Variants in FAM174B observed in about 807,000 individuals in gnomAD.
FAM174B encodes the protein membrane protein FAM174B.
FAM174B carries 12 observed loss-of-function variants against 10.9 expected under a neutral mutation model. The observed-to-expected ratio is 1.10, with a 90% confidence interval of 0.71 to 1.79. The LOEUF is 1.79. Among genes scored for constraint, FAM174B ranks in the 40% most tolerant of loss-of-function variants. The probability of loss-of-function intolerance (pLI) is 0.00; values close to 1 mark genes in which losing one functional copy is unlikely to be tolerated. For synonymous variants in FAM174B, 132 were observed against 115.8 expected, an observed-to-expected ratio of 1.14 and a Z score of -0.90; for missense variants, 266 against 233.3, an observed-to-expected ratio of 1.14 and a Z score of -0.91.
chr15:92,644,861 G>A (rs980693950), intron 1 of FAM174B, among the ~76,000 whole-genome samples: 2 of 152,218 alleles, frequency 1.3e-5, no homozygotes, highest in African/African-American at 2.4e-5. Context: ...CGGAACAGAG[G>A]TCTTGCACTT....
intron 1 of FAM174B, among the ~76,000 whole-genome samples, chr15:92,647,540 C>T (rs994458342): frequency 6.6e-6 from 1 of 152,124 alleles, no homozygotes; most frequent in African/African-American, 2.4e-5. Context: ...GGAGGTCAGA[C>T]ACGCCACATT....
At chr15:92,631,229 A>ATT (rs372180141) in intron 1 of FAM174B, among the ~76,000 whole-genome samples, 650 of 2,678 alleles carry the variant, frequency 0.24, 259 homozygotes, top group East Asian at 0.56. Context: ...TATTATATAT[A>ATT]ATATATTATA....
chr15:92,650,039 C>A (rs1364216905), intron 1 of FAM174B, among the ~76,000 whole-genome samples: 1 of 152,060 alleles, frequency 6.6e-6, no homozygotes, highest in African/African-American at 2.4e-5. Context: ...TGGCTCCACC[C>A]AAAACTCCAA....
chr15:92,644,214 C>T (rs970231224), intron 1 of FAM174B, among the ~76,000 whole-genome samples: 2 of 152,098 alleles, frequency 1.3e-5, no homozygotes, highest in Non-Finnish European at 2.9e-5. Context: ...AACAGGCTAG[C>T]CAGGGTCTCA....
intron 1 of FAM174B, among the ~76,000 whole-genome samples, chr15:92,642,429 G>A (rs2050897699): frequency 6.6e-6 from 1 of 152,194 alleles, no homozygotes; most frequent in Non-Finnish European, 1.5e-5. Flanking sequence ...GATATGGTTT[G>A]GCTGTGTCCC....
chr15:92,630,370 G>A (rs773898671), intron 1 of FAM174B, 25 bp from the exon 2 acceptor site: 7 of 1,593,984 alleles, frequency 4.4e-6, no homozygotes, highest in Non-Finnish European at 8.6e-7. Flanking sequence ...GCACATTCAT[G>A]AGAACACAGC....
At chr15:92,647,691 C>T (rs285771) in intron 1 of FAM174B, among the ~76,000 whole-genome samples, 149,175 of 152,310 alleles carry the variant, frequency 0.98, 73,127 homozygotes, top group East Asian at 1. Flanking sequence ...ACATGACAGA[C>T]AGCAGGCCCT....
At chr15:92,628,175 T>C (rs927842621) in intron 2 of FAM174B, among the ~76,000 whole-genome samples, 2 of 151,998 alleles carry the variant, frequency 1.3e-5, no homozygotes, top group African/African-American at 4.8e-5. Flanking sequence ...CCCAAAATTT[T>C]TTTTTTTGAG....
intron 2 of FAM174B, 88 bp from the exon 3 acceptor site, chr15:92,619,547 C>T (rs2050705144): frequency 2.7e-6 from 4 of 1,473,218 alleles, no homozygotes; most frequent in South Asian, 1.3e-5. Context: ...TATCCCTCAC[C>T]CTCTCAGCCA....
chr15:92,650,174 A>G (rs1314491555), intron 1 of FAM174B, among the ~76,000 whole-genome samples: 1 of 152,258 alleles, frequency 6.6e-6, no homozygotes, highest in Non-Finnish European at 1.5e-5. Flanking sequence ...AACTTTTCTT[A>G]TAACAAATGT....
chr15:92,623,013 G>C (rs995362101), intron 2 of FAM174B, among the ~76,000 whole-genome samples: 13 of 152,072 alleles, frequency 8.5e-5, no homozygotes, highest in African/African-American at 2.9e-4. Flanking sequence ...AAAATTAGCT[G>C]GGCGTGGTGG....
At chr15:92,621,746 CT>C (rs2050720911) in intron 2 of FAM174B, among the ~76,000 whole-genome samples, 1 of 152,172 alleles carries the variant, frequency 6.6e-6, no homozygotes, top group Admixed American at 6.5e-5. Context: ...AAGTGACCCC[CT>C]GGCCCCTTCT....
At chr15:92,622,199 G>A (rs1263053806) in intron 2 of FAM174B, among the ~76,000 whole-genome samples, 1 of 152,232 alleles carries the variant, frequency 6.6e-6, no homozygotes, top group Non-Finnish European at 1.5e-5. Flanking sequence ...CAGGCTCTCT[G>A]CCCTCACCTC....
At chr15:92,621,884 T>C (rs1596293171) in intron 2 of FAM174B, among the ~76,000 whole-genome samples, 1 of 152,082 alleles carries the variant, frequency 6.6e-6, no homozygotes, top group East Asian at 1.9e-4. Flanking sequence ...CAGGTCTGAT[T>C]CCACCATCAG....
chr15:92,646,886 T>TA (rs2050931964), intron 1 of FAM174B, among the ~76,000 whole-genome samples: 1 of 152,234 alleles, frequency 6.6e-6, no homozygotes, highest in Admixed American at 6.5e-5. Context: ...ATGTACATCT[T>TA]ACATGTATTT....
intron 1 of FAM174B, among the ~76,000 whole-genome samples, chr15:92,641,954 C>G (rs921756275): frequency 6.6e-6 from 1 of 152,178 alleles, no homozygotes; most frequent in Admixed American, 6.5e-5. Context: ...ATGAAGAACT[C>G]TTACCCATCA....
intron 1 of FAM174B, among the ~76,000 whole-genome samples, chr15:92,631,427 AATATAATATAT>A (rs2050815535): frequency 2.2e-5 from 1 of 45,380 alleles, no homozygotes; most frequent in African/African-American, 1.2e-4. Flanking sequence ...TATAATATAT[AATATAATATAT>A]TATATATATA....
intron 1 of FAM174B, among the ~76,000 whole-genome samples, chr15:92,650,334 C>T (rs961577464): frequency 1.3e-5 from 2 of 152,302 alleles, no homozygotes; most frequent in East Asian, 3.9e-4. Flanking sequence ...CCACTGACAG[C>T]TGGGCAATGT....
chr15:92,650,780 C>A (rs1186573885), intron 1 of FAM174B, among the ~76,000 whole-genome samples: 1 of 152,200 alleles, frequency 6.6e-6, no homozygotes, highest in Admixed American at 6.5e-5. Context: ...CAGCTTTCTA[C>A]TTCCTAGAGA....
Sources: allele counts gnomAD v4.1 joint callset (sites outside exome capture counted in the v4.1 genomes callset), GRCh38; gene constraint gnomAD v4.1.1; transcripts MANE v1.5; gene names NCBI Gene and HGNC (gene_info 2026-07-23, HGNC 2026-07-21).